JAML: variants seen among roughly 807,000 people sequenced by gnomAD.
JAML encodes the protein junctional adhesion molecule-like.
JAML carries 25 observed loss-of-function variants against 39.3 expected under a neutral mutation model. The observed-to-expected ratio is 0.64, with a 90% CI of 0.46 to 0.89. The LOEUF (loss-of-function observed/expected upper bound fraction) is 0.89. JAML is among the 40% of genes least tolerant of loss of function. JAML has a pLI of 0.00. For synonymous variants in JAML, 162 were observed against 179.2 expected (o/e 0.90, Z 0.77); for missense variants, 440 against 486.9 (o/e 0.90, Z 0.91).
At chr11:118,224,715 G>T (rs1949243948) in intron 1 of JAML, among the ~76,000 whole-genome samples, 1 of 152,124 alleles carries the variant, frequency 6.6e-6, no homozygotes. Context: ...ATGAAACTTT[G>T]CTCCTCTTTT....
At chr11:118,203,877 T>C in intron 5 of JAML, 1 of 536,614 alleles carries the variant, frequency 1.9e-6, no homozygotes, top group Non-Finnish European at 3.4e-6. Context: ...CCATGAACAG[T>C]TTTTCCATCT....
At chr11:118,203,072 AC>A (rs773637167) in intron 6 of JAML, 2 of 478,198 alleles carry the variant, frequency 4.2e-6, no homozygotes, top group South Asian at 3.1e-5. Flanking sequence ...CTCCCTTGAA[AC>A]CAAGTATGCT....
rs1262673893 is a variant in JAML at position 118,212,522 on chromosome 11, G to A, written c.83C>T (p.Pro28Leu). ...ATCACCCACATGGACTGTTAGCTCAGGCGGGGAAACATTCAAGTCATTCAG... is the reference window on the plus strand; with the variant it reads ...ATCACCCACATGGACTGTTAGCTCAAGCGGGGAAACATTCAAGTCATTCAG... ...LGLNDLNVSP[P>L]ELTVHVGDSA... The change falls in exon 3 of 10, where the codon CCT (proline) becomes CTT (leucine). Residue 28 changes from proline to leucine, a missense_variant. Pro to Leu is a moderately conservative substitution (Grantham distance 98). Transcript: ENST00000356289. 4.3e-6 allele frequency: 7 copies of A among 1,614,142 alleles called. No homozygotes were observed. Among genetic ancestry groups the A allele is most frequent in the Non-Finnish European group, 5.9e-6 (7 of 1,180,028 alleles).
At chr11:118,203,060 A>C (rs1277629048) in intron 6 of JAML, 2 of 470,934 alleles carry the variant, frequency 4.2e-6, no homozygotes, top group Admixed American at 4.7e-5. Context: ...CACATACAGC[A>C]CCTCCCTTGA....
At chr11:118,216,436 C>G (rs1204816110) in intron 1 of JAML, among the ~76,000 whole-genome samples, 2 of 152,110 alleles carry the variant, frequency 1.3e-5, no homozygotes, top group Non-Finnish European at 2.9e-5. Context: ...ACAAAATCCT[C>G]TACCTGGAAA....
chr11:118,207,445 C>G (rs142648183), intron 4 of JAML, among the ~76,000 whole-genome samples: 1 of 152,294 alleles, frequency 6.6e-6, no homozygotes, highest in East Asian at 1.9e-4. Context: ...TTTTCTCACT[C>G]ACTCTACTGT....
chr11:118,219,263 C>CA (rs908832791), intron 1 of JAML, among the ~76,000 whole-genome samples: 1 of 151,916 alleles, frequency 6.6e-6, no homozygotes, highest in African/African-American at 2.4e-5. Context: ...ATCAAAAAGA[C>CA]AAAAAAACAA....
At position 118,205,924 on chromosome 11, in the gene JAML, G is replaced by A. The variant is rs757328699; in HGVS notation, c.492C>T (p.His164=). 3.7e-6 allele frequency: 6 copies of A among 1,613,944 alleles called. No homozygotes were observed. Among genetic ancestry groups the A allele is most frequent in the Admixed American group, 1.7e-5 (1 of 59,990 alleles). Residue 164 remains histidine, a synonymous_variant, in exon 5 of 10, where the codon CAC becomes CAT. Coordinates refer to ENST00000356289, the MANE Select transcript of JAML (RefSeq NM_001098526.2). Reference sequence around the variant, plus strand: ...AAAATATCCATTCTACCTTGGTCACGTGTTTCACTTCTGTGCTCTGGAAAA... The same window carrying A: ...AAAATATCCATTCTACCTTGGTCACATGTTTCACTTCTGTGCTCTGGAAAA... ...GCVFQSTEVK[H]VTKVEWIFSG...
At chr11:118,205,758 T>C in intron 5 of JAML, 124 bp downstream of exon 5, 1 of 804,444 alleles carries the variant, frequency 1.2e-6, no homozygotes, top group South Asian at 1.6e-5. Flanking sequence ...TAGGAGAAGG[T>C]CCAGTTCTGA....
chr11:118,198,306 A>G (rs1292160377), intron 7 of JAML, among the ~76,000 whole-genome samples: 2 of 152,218 alleles, frequency 1.3e-5, no homozygotes, highest in East Asian at 1.9e-4. Flanking sequence ...GAGATAATTT[A>G]GGCTGAAAAG....
intron 1 of JAML, among the ~76,000 whole-genome samples, chr11:118,216,533 G>A (rs1949145639): frequency 6.6e-6 from 1 of 152,144 alleles, no homozygotes; most frequent in Non-Finnish European, 1.5e-5. Context: ...CTGTTTCCTT[G>A]CCTTTAAAAG....
chr11:118,194,873 C>G (rs1591453694), intron 9 of JAML, among the ~76,000 whole-genome samples: 1 of 152,240 alleles, frequency 6.6e-6, no homozygotes, highest in African/African-American at 2.4e-5. Flanking sequence ...GTCCCAAATT[C>G]ACCAACAGCC....
Position 118,212,363 on chromosome 11 carries a change from C to T in JAML, c.198+44G>A, listed in dbSNP as rs765639581. ...TTACACCACTCTGTCCTGACACCAG[C>T]AGTCAGGGGCTTCTATTACATAGTG... On this transcript the variant is annotated intron_variant, in intron 3 of 9. Coordinates refer to ENST00000356289, the MANE Select transcript of JAML (RefSeq NM_001098526.2). 4 of 1,599,878 alleles carry T rather than the reference C, an allele frequency of 2.5e-6. No individual in the cohort carries two copies. The Admixed American group carries it at 6.7e-5, about 27-fold the overall frequency.
rs1042487543 is a variant in JAML at position 118,222,833 on chromosome 11, G to A, written c.-21+2108C>T. 5.9e-5 allele frequency among the ~76,000 whole-genome samples: 9 copies of A among 152,108 alleles called. No individual in the cohort carries two copies. Among genetic ancestry groups the A allele is most frequent in the African/African-American group, 1.2e-4 (5 of 41,418 alleles). Reference sequence around the variant, plus strand: ...GGGACAGCTGGGCATGGTGGCTCACGCCTGTCATCCCAGAACTTTGGGAGG... The same window carrying A: ...GGGACAGCTGGGCATGGTGGCTCACACCTGTCATCCCAGAACTTTGGGAGG... On this transcript the variant is annotated intron_variant, in intron 1 of 9. Transcript: ENST00000356289. The surrounding 1 kb of genome is among the most constrained non-coding windows in gnomAD (Gnocchi z 4.2).
chr11:118,212,970 T>C, intron 2 of JAML: 15 of 1,614,038 alleles, frequency 9.3e-6, no homozygotes, highest in Non-Finnish European at 1.3e-5. Context: ...GTTCCCTCTC[T>C]GAAAAGGGAC....
chr11:118,214,114 A>C (rs2134672499), intron 2 of JAML, among the ~76,000 whole-genome samples: 1 of 152,318 alleles, frequency 6.6e-6, no homozygotes, highest in South Asian at 2.1e-4. Flanking sequence ...CACCTGATTA[A>C]TTTCTTCTCC....
In JAML at chr11:118,203,501, G is replaced by A. The variant is rs779079826; in HGVS notation, c.699C>T (p.Thr233=). 1.2e-6 allele frequency: 2 copies of A among 1,614,038 alleles called. No homozygotes were observed. Among genetic ancestry groups the A allele is most frequent in the African/African-American group, 2.7e-5 (2 of 74,920 alleles). ...CCAGGTTCCCTAGGTGGATACTGCA[G>A]GTGTAGTTTCCTCCATCTGACTCCC... ...GVRESDGGNY[T]CSIHLGNLVF... The change falls in exon 6 of 10, where the codon ACC becomes ACT. Residue 233 remains threonine, a synonymous_variant. Coordinates refer to ENST00000356289, the MANE Select transcript of JAML (RefSeq NM_001098526.2).
chr11:118,200,539 G>A lies in JAML; in HGVS notation c.846C>T (p.Val282=), dbSNP rs1948765128. 2.5e-6 allele frequency: 4 copies of A among 1,613,966 alleles called. No individual in the cohort carries two copies. In the Admixed American group the frequency reaches 6.7e-5, roughly 27 times the overall value. The stretch of plus-strand genomic sequence containing the variant: ...CAGGGAGCAGCAGGATTGTGGCACA[G>A]ACAATTCCCACAATGATCACCAACT... ...GNQLVIIVGI[V]CATILLLPVL... is the part of the protein sequence containing the mutation. The change falls in exon 7 of 10, where the codon GTC becomes GTT. Residue 282 remains valine (V), a synonymous_variant. Coordinates refer to ENST00000356289, the MANE Select transcript of JAML (RefSeq NM_001098526.2).
In JAML at chr11:118,197,980, G is replaced by T; in HGVS notation, c.1005+18C>A. The T allele has an allele frequency of 1.9e-6, 3 of 1,607,580 alleles. No homozygotes were observed. The highest frequency in any genetic ancestry group is 2.6e-6 in the Non-Finnish European group (3 of 1,174,152). On this transcript the variant is annotated intron_variant, in intron 8 of 9. Transcript: ENST00000356289. ...GGCCTGCATCTACTTAGTGTTTTAG[G>T]CTGAAGCGTGTGTTCACCTCCCCTT...
Sources: gnomAD v4.1 joint callset for allele counts (sites outside exome capture counted in the v4.1 genomes callset) on GRCh38, gnomAD v4.1.1 for gene constraint, Gnocchi (gnomAD v3.1) non-coding constraint, MANE v1.5 for transcripts, NCBI Gene and HGNC (gene_info 2026-07-23, HGNC 2026-07-21) for gene names.